Variants in OBSL1 observed in about 807,000 individuals in gnomAD.
The protein encoded by OBSL1 is obscurin like cytoskeletal adaptor 1.
A neutral mutation model predicts 172.0 loss-of-function variants in OBSL1; 160 were observed. The ratio of observed to expected loss-of-function variants is 0.93; its 90% CI spans 0.82 to 1.06. OBSL1 has a LOEUF of 1.06. Among genes scored for constraint, OBSL1 ranks in the 50% least tolerant of loss-of-function variants. The pLI is 0.00. For missense variants in OBSL1, 2,681 were observed against 2,715.4 expected, an observed-to-expected ratio of 0.99 and a Z score of 0.28; for synonymous variants, 1,200 against 1,196.3, an observed-to-expected ratio of 1.00 and a Z score of -0.06.
At chr2:219,547,243 G>A (rs1306356464), downstream of OBSL1, 1 of 367,218 alleles carries the variant, frequency 2.7e-6, no homozygotes, top group African/African-American at 2.1e-5. Flanking sequence ...TAACTCCTGT[G>A]ATCCTCAAAT....
intron 20 of OBSL1, 142 bp from the exon 21 acceptor site, chr2:219,550,984 T>C (rs1007644729): frequency 2.0e-6 from 3 of 1,513,800 alleles, no homozygotes; most frequent in Non-Finnish European, 2.7e-6. Flanking sequence ...GTTAGGGCTG[T>C]CTTGGCGGCA....
At chr2:219,557,171 A>T in intron 12 of OBSL1, 172 bp downstream of exon 12, 1 of 615,468 alleles carries the variant, frequency 1.6e-6, no homozygotes, top group East Asian at 3.0e-5. Flanking sequence ...TGCTCTCAAC[A>T]TGAGGGTTTC....
In OBSL1 at chr2:219,557,430, G is replaced by A. The variant is rs528102967; in HGVS notation, c.3979C>T (p.Arg1327Trp). ...LEQAGARQVL[R>W]VQGARSGDAG... ...TCCCCGCTCCGTGCCCCCTGCACCC[G>A]CAGCACCTGCCTGGCCCCGGCCTGC... is the stretch of plus-strand genomic sequence containing the variant. The change falls in exon 12 of 21, where the codon CGG becomes TGG. Residue 1327 changes from arginine (R) to tryptophan (W), a missense_variant. Physicochemically the swap from Arg to Trp is moderately radical, Grantham distance 101. Coordinates refer to ENST00000404537, the MANE Select transcript of OBSL1 (RefSeq NM_015311.3). The A allele has an allele frequency of 2.5e-5, 39 of 1,548,418 alleles. No homozygotes were observed. Among genetic ancestry groups the A allele is most frequent in the South Asian group, 1.2e-4 (10 of 83,956 alleles).
chr2:219,553,812 G>A lies in OBSL1; in HGVS notation c.4877-126C>T, dbSNP rs1695808892. 1.5e-5 allele frequency: 9 copies of A among 588,988 alleles called. No individual in the cohort carries two copies. The South Asian group carries it at 2.0e-4, about 13-fold the overall frequency. The allele number at this position is 588,988 out of a possible 1,614,324, so 36.5% of individuals were successfully genotyped here. Reference sequence around the variant, plus strand: ...ACACTAGCGAGTGGGGTTCGAGCTGGGACAAGTGGTCCAAGAAGGATCTGT... The same window carrying A: ...ACACTAGCGAGTGGGGTTCGAGCTGAGACAAGTGGTCCAAGAAGGATCTGT... On this transcript the variant is annotated intron_variant, in intron 15 of 20. Coordinates refer to ENST00000404537, the MANE Select transcript of OBSL1 (RefSeq NM_015311.3).
chr2:219,563,749 T>C (rs1005853211), intron 6 of OBSL1, 122 bp from the exon 7 acceptor site: 1 of 1,087,476 alleles, frequency 9.2e-7, no homozygotes, highest in African/African-American at 1.5e-5. Flanking sequence ...AAGGTCCTGC[T>C]GTGTAGGGAC....
At chr2:219,555,057 C>T (rs762884964) in intron 14 of OBSL1, 224 of 380,744 alleles carry the variant, frequency 5.9e-4, no homozygotes, top group Non-Finnish European at 1.2e-4. Flanking sequence ...AGGAATGGAA[C>T]CTCGCTCTAC....
Position 219,557,412 on chromosome 2 carries a change from T to C in OBSL1, c.3997A>G (p.Ser1333Gly). The change falls in exon 12 of 21, where the codon AGC (serine) becomes GGC (glycine). Residue 1333 changes from serine to glycine, a missense_variant. Ser to Gly is a moderately conservative substitution (Grantham distance 56). Around this residue, in one of 5 missense-constraint regions of OBSL1, gnomAD observed 1,765 missense variants for 1,748.3 expected, o/e 1.01. Coordinates refer to ENST00000404537, the MANE Select transcript of OBSL1 (RefSeq NM_015311.3). ...RQVLRVQGAR[S>G]GDAGEYLCDA... Reference sequence around the variant, plus strand: ...CACAGGTACTCCCCAGCGTCCCCGCTCCGTGCCCCCTGCACCCGCAGCACC... The same window carrying C: ...CACAGGTACTCCCCAGCGTCCCCGCCCCGTGCCCCCTGCACCCGCAGCACC... 6.5e-7 allele frequency: 1 copy of C among 1,548,394 alleles called. No individual in the cohort carries two copies. Among genetic ancestry groups the C allele is most frequent in the South Asian group, 1.2e-5 (1 of 83,802 alleles).
Position 219,557,563 on chromosome 2 carries a change from G to A in OBSL1, c.3846C>T (p.Thr1282=), listed in dbSNP as rs1331700557. The A allele has an allele frequency of 9.0e-6, 14 of 1,551,534 alleles. No homozygotes were observed. In the Admixed American group the frequency reaches 1.8e-4, roughly 20 times the overall value. The change falls in exon 12 of 21, where the codon ACC becomes ACT. Residue 1282 remains threonine (T), a synonymous_variant. Coordinates refer to ENST00000404537, the MANE Select transcript of OBSL1 (RefSeq NM_015311.3). ...PEAAQTRVRS[T]PGGDLELVVH... ...CCACCAGCTCTAGGTCCCCGCCTGG[G>A]GTGCTCCGAACCCTCGTCTGGGCTG...
downstream of OBSL1, chr2:219,550,118 T>A: frequency 2.2e-6 from 1 of 449,844 alleles, no homozygotes; most frequent in South Asian, 4.0e-5. Flanking sequence ...TGCCCGTGTG[T>A]CTGTGTGTAT....
chr2:219,569,431 G>A (rs1175917216), intron 1 of OBSL1: 1 of 152,166 alleles, frequency 6.6e-6, no homozygotes, highest in Non-Finnish European at 1.5e-5. Context: ...CCTATTATGG[G>A]GAGCGTTACC....
At chr2:219,563,161 C>T in intron 7 of OBSL1, 194 bp downstream of exon 7, 3 of 586,776 alleles carry the variant, frequency 5.1e-6, no homozygotes, top group Non-Finnish European at 2.9e-6. Flanking sequence ...TTAGCCAAGA[C>T]CAATGTGCTT....
chr2:219,563,876 TAGAG>T (rs753105610), intron 6 of OBSL1, among the ~76,000 whole-genome samples: 51 of 152,108 alleles, frequency 3.4e-4, no homozygotes, highest in African/African-American at 5.8e-4. Context: ...GGTGAGTACA[TAGAG>T]AGAAGGAAGC....
intron 14 of OBSL1, 109 bp from the exon 15 acceptor site, chr2:219,554,849 AGGTCCTGACC>A: frequency 7.6e-7 from 1 of 1,315,710 alleles, no homozygotes; most frequent in South Asian, 1.5e-5. Flanking sequence ...ACCCAACCTA[AGGTCCTGACC>A]AAAAAAGTTC....
intron 12 of OBSL1, 123 bp from the exon 13 acceptor site, chr2:219,556,846 A>G (rs1696047405): frequency 1.8e-6 from 2 of 1,082,338 alleles, no homozygotes; most frequent in Non-Finnish European, 1.3e-6. Flanking sequence ...AGGACCTACT[A>G]TGTATCGACC....
chr2:219,556,623 A>G lies in OBSL1; in HGVS notation c.4167T>C (p.Asp1389=), dbSNP rs751285953. The change falls in exon 13 of 21, where the codon GAT becomes GAC. Residue 1389 remains aspartate (D), a synonymous_variant. Coordinates refer to ENST00000404537, the MANE Select transcript of OBSL1 (RefSeq NM_015311.3). The stretch of plus-strand genomic sequence containing the variant: ...CGGCCCCATTGCGCAGCCAGGTGAC[A>G]TCGGCATCTGGTGGGGAGACTTCAC... ...FRCEVSPPDA[D]VTWLRNGAVV... 2.0e-5 allele frequency: 33 copies of G among 1,613,770 alleles called. No individual in the cohort carries two copies. The highest frequency in any genetic ancestry group is 2.7e-5 in the African/African-American group (2 of 74,880).
In OBSL1 at chr2:219,571,098, C is replaced by T. The variant is rs1697317440; in HGVS notation, c.135G>A (p.Trp45Ter). ...CCGCCAGCTGCTGCCCGCCCTTCTC[C>T]CACACCACTACAGGCGGCGGCTCCC... ...VLGEPPPVVV[W>*]EKGGQQLAAS... Residue 45 changes from tryptophan (W) to a stop codon, truncating the protein, a stop_gained, in exon 1 of 21, where the codon TGG becomes TGA. Transcript: ENST00000404537. LOFTEE classifies it high-confidence loss of function. 1 of 1,468,056 alleles carries T rather than the reference C, an allele frequency of 6.8e-7. No homozygotes were observed. The highest frequency in any genetic ancestry group is 1.5e-5 in the African/African-American group (1 of 68,348). 90.9% of individuals were successfully genotyped at this position (1,468,056 alleles called of 1,614,324 possible).
chr2:219,552,310 G>T, intron 18 of OBSL1, 94 bp from the exon 19 acceptor site: 1 of 1,206,852 alleles, frequency 8.3e-7, no homozygotes, highest in Non-Finnish European at 1.2e-6. Flanking sequence ...GGTCGGTTCG[G>T]ACGCCGTTAG....
Position 219,557,935 on chromosome 2 carries a change from G to T in OBSL1, c.3678C>A (p.Pro1226=). The T allele has an allele frequency of 6.2e-7, 1 of 1,605,646 alleles. No homozygotes were observed. ...GEGLELHAEG[P]RRVLCIQAAG... ...CAGCCTGGATGCAGAGGACTCGGCG[G>T]GGGCCCTCGGCATGGAGCTCTAGGC... is the stretch of plus-strand genomic sequence containing the variant. The change falls in exon 11 of 21, where the codon CCC becomes CCA. Residue 1226 remains proline, a synonymous_variant. Coordinates refer to ENST00000404537, the MANE Select transcript of OBSL1 (RefSeq NM_015311.3).
chr2:219,559,770 C>T lies in OBSL1; in HGVS notation c.2954-273G>A, dbSNP rs116266965. The stretch of plus-strand genomic sequence containing the variant: ...CGGGAGCCTCCCCCTTCATCGGTCA[C>T]GTTAACATGTCTGTGGTATAACACA... On this transcript the variant is annotated intron_variant, in intron 8 of 20. Transcript: ENST00000404537. The T allele has an allele frequency of 1.3e-3, 611 of 461,820 alleles. 1 individual carries two copies. The highest frequency in any genetic ancestry group is 0.01 in the African/African-American group (545 of 52,008). The allele number at this position is 461,820 out of a possible 1,614,324, so 28.6% of individuals were successfully genotyped here.
Sources: gnomAD v4.1 joint callset for allele counts (sites outside exome capture counted in the v4.1 genomes callset) on GRCh38, gnomAD v4.1.1 for gene constraint, gnomAD v4.1.1 regional missense constraint, MANE v1.5 for transcripts, NCBI Gene and HGNC (gene_info 2026-07-23, HGNC 2026-07-21) for gene names.